The following FER variants were observed in gnomAD, a reference collection of about 807,000 sequenced individuals.
FER encodes tyrosine-protein kinase Fer.
Under a neutral mutation model 111.0 loss-of-function variants are expected in FER, and 63 were observed. That is an observed-to-expected ratio of 0.57 (90% CI 0.46 to 0.70). The LOEUF (loss-of-function observed/expected upper bound fraction) is 0.70. FER is among the 30% of genes least tolerant of loss of function. FER has a pLI of 0.00. For synonymous variants in FER, 327 were observed against 313.9 expected (o/e 1.04, Z -0.44); for missense variants, 914 against 954.0 (o/e 0.96, Z 0.55).
intron 10 of FER, among the ~76,000 whole-genome samples, chr5:108,898,127 A>G (rs971440175): frequency 6.6e-5 from 10 of 152,326 alleles, no homozygotes; most frequent in Non-Finnish European, 1.5e-4. Flanking sequence ...GGGAGACAGC[A>G]GGAAGGTAGG....
chr5:109,064,899 T>A (rs1774895822), intron 16 of FER, among the ~76,000 whole-genome samples: 2 of 152,326 alleles, frequency 1.3e-5, no homozygotes, highest in South Asian at 4.1e-4. Context: ...ATAATTTTTA[T>A]ATTTTTGTTA....
At chr5:108,941,652 T>C (rs72787097) in intron 10 of FER, among the ~76,000 whole-genome samples, 4,963 of 152,270 alleles carry the variant, frequency 0.033, 113 homozygotes, top group Middle Eastern at 0.13. Context: ...ATAATAGTTA[T>C]GATTTTTCAT....
At chr5:109,100,368 C>G (rs1748080010) in intron 16 of FER, 28 bp from the exon 17 acceptor site, 1 of 1,606,202 alleles carries the variant, frequency 6.2e-7, no homozygotes, top group South Asian at 1.1e-5. Context: ...ATAACTTTGT[C>G]TCATTGTTCA....
At chr5:109,103,865 T>A (rs1748561397) in intron 17 of FER, among the ~76,000 whole-genome samples, 1 of 152,230 alleles carries the variant, frequency 6.6e-6, no homozygotes, top group Non-Finnish European at 1.5e-5. Flanking sequence ...ATGGTTTTAT[T>A]CTTGATGAAT....
chr5:109,176,698 A>G (rs1757730268), intron 17 of FER, among the ~76,000 whole-genome samples: 1 of 152,220 alleles, frequency 6.6e-6, no homozygotes, highest in African/African-American at 2.4e-5. Flanking sequence ...TGATCATTAC[A>G]TATTGTATAC....
At chr5:109,139,296 C>A (rs1050449412) in intron 17 of FER, among the ~76,000 whole-genome samples, 7 of 151,788 alleles carry the variant, frequency 4.6e-5, no homozygotes, top group African/African-American at 1.7e-4. Flanking sequence ...TTCCCACCCC[C>A]ACCCTGTACC....
intron 17 of FER, among the ~76,000 whole-genome samples, chr5:109,112,017 C>T (rs530330630): frequency 6.6e-6 from 1 of 152,230 alleles, no homozygotes; most frequent in South Asian, 2.1e-4. Flanking sequence ...TTATTATGCT[C>T]TTAAATTAAC....
intron 3 of FER, among the ~76,000 whole-genome samples, chr5:108,808,023 C>A (rs1757380034): frequency 6.7e-6 from 1 of 149,482 alleles, no homozygotes. Flanking sequence ...TTTACTGGGA[C>A]TTGTTTTATG....
At chr5:108,969,257 A>C (rs1760307689) in intron 13 of FER, among the ~76,000 whole-genome samples, 1 of 152,166 alleles carries the variant, frequency 6.6e-6, no homozygotes, top group African/African-American at 2.4e-5. Context: ...TGTTTGTAAT[A>C]TTAGGAAACT....
At chr5:108,974,132 A>G (rs1339601926) in intron 13 of FER, among the ~76,000 whole-genome samples, 2 of 152,174 alleles carry the variant, frequency 1.3e-5, no homozygotes, top group African/African-American at 4.8e-5. Context: ...TTAGTATATC[A>G]TAGAAATTAT....
At chr5:109,116,452 T>A (rs796305265) in intron 17 of FER, among the ~76,000 whole-genome samples, 43 of 149,988 alleles carry the variant, frequency 2.9e-4, no homozygotes, top group African/African-American at 8.6e-4. Context: ...TGAAAAAAAA[T>A]AACAGTGTCA....
chr5:108,940,444 A>G (rs1481660137), intron 10 of FER, among the ~76,000 whole-genome samples: 2 of 152,128 alleles, frequency 1.3e-5, no homozygotes, highest in East Asian at 1.9e-4. Context: ...AAAATAAGCT[A>G]CAAAATAGTA....
At chr5:108,892,383 T>C (rs1748247659) in intron 9 of FER, among the ~76,000 whole-genome samples, 1 of 152,156 alleles carries the variant, frequency 6.6e-6, no homozygotes, top group African/African-American at 2.4e-5. Flanking sequence ...TGGTATCTCA[T>C]TGTGGTTTTG....
At chr5:109,180,721 G>A (rs200627157) in intron 17 of FER, 26 bp from the exon 18 acceptor site, 60 of 1,572,032 alleles carry the variant, frequency 3.8e-5, no homozygotes, top group East Asian at 1.6e-4. Context: ...TTTAATAGGC[G>A]TTTTCTGTGT....
intron 13 of FER, among the ~76,000 whole-genome samples, chr5:108,965,271 C>T (rs942593697): frequency 6.6e-6 from 1 of 152,184 alleles, no homozygotes; most frequent in African/African-American, 2.4e-5. Context: ...TTATCAGCCA[C>T]ATCTTCTTAG....
At chr5:108,899,477 C>T (rs931361356) in intron 10 of FER, among the ~76,000 whole-genome samples, 5 of 152,020 alleles carry the variant, frequency 3.3e-5, no homozygotes, top group Non-Finnish European at 5.9e-5. Context: ...TAATATTTCC[C>T]TGTTACCATG....
chr5:108,798,654 C>T (rs889437506), intron 3 of FER, among the ~76,000 whole-genome samples: 2 of 152,088 alleles, frequency 1.3e-5, no homozygotes, highest in Non-Finnish European at 2.9e-5. Flanking sequence ...TTGAGACCAG[C>T]CTGGGGAAAG....
At chr5:108,993,617 AAGGGCGAGGGCG>A (rs1330585503) in intron 13 of FER, among the ~76,000 whole-genome samples, 12 of 104,936 alleles carry the variant, frequency 1.1e-4, no homozygotes, top group African/African-American at 3.7e-5. Flanking sequence ...GGGAGAGGGC[AAGGGCGAGGGCG>A]AGGGTGAGGG....
intron 17 of FER, among the ~76,000 whole-genome samples, chr5:109,118,333 G>A (rs149965020): frequency 0.13 from 19,748 of 152,134 alleles, 1,327 homozygotes; most frequent in Non-Finnish European, 0.15. Context: ...TGTTGAACCA[G>A]CCTTGCATCC....
Sources: allele counts gnomAD v4.1 joint callset (sites outside exome capture counted in the v4.1 genomes callset), GRCh38; gene constraint gnomAD v4.1.1; transcripts MANE v1.5; gene names NCBI Gene and HGNC (gene_info 2026-07-23, HGNC 2026-07-21).